Variants in RMDN3 observed in about 807,000 individuals in gnomAD.
RMDN3 encodes the protein regulator of microtubule dynamics protein 3.
Under a neutral mutation model 61.8 loss-of-function variants are expected in RMDN3, and 41 were observed. The ratio of observed to expected loss-of-function variants is 0.66; its 90% confidence interval spans 0.52 to 0.86. RMDN3 has a LOEUF of 0.86. Ranked by LOEUF, RMDN3 falls within the 40% of genes least tolerant of loss-of-function variation. The pLI is 0.00. For synonymous variants in RMDN3, 247 were observed against 232.0 expected (o/e 1.06, Z -0.59); for missense variants, 557 against 585.3 (o/e 0.95, Z 0.50).
chr15:40,752,746 C>T (rs536519296), intron 2 of RMDN3, among the ~76,000 whole-genome samples: 6 of 152,222 alleles, frequency 3.9e-5, no homozygotes, highest in East Asian at 3.9e-4. Context: ...AGAAAGACAC[C>T]GTCACTAAGC....
Position 40,745,024 on chromosome 15 carries a change from G to C in RMDN3, c.760C>G (p.Gln254Glu), listed in dbSNP as rs1897458644. The change falls in exon 5 of 13, where the codon CAA becomes GAA. Residue 254 changes from glutamine to glutamate, a missense_variant. By Grantham distance (29) the Gln-to-Glu change is conservative (BLOSUM62 2). Transcript: ENST00000338376. The part of the protein sequence containing the change: ...QADELHRGDE[Q>E]GKREGFQLLL... Reference sequence around the variant, plus strand: ...AGCTGGAAGCCCTCCCGCTTGCCTTGCTCATCACCCCTGTGCAGCTCGTCG... The same window carrying C: ...AGCTGGAAGCCCTCCCGCTTGCCTTCCTCATCACCCCTGTGCAGCTCGTCG... 1.2e-6 allele frequency: 2 copies of C among 1,612,722 alleles called. No individual in the cohort carries two copies. Among genetic ancestry groups the C allele is most frequent in the Non-Finnish European group, 1.7e-6 (2 of 1,179,066 alleles).
chr15:40,740,363 A>C (rs1381221911), intron 6 of RMDN3, among the ~76,000 whole-genome samples, 170 bp from the exon 7 acceptor site: 3 of 152,248 alleles, frequency 2.0e-5, no homozygotes, highest in Non-Finnish European at 4.4e-5. Context: ...GAAGCCAGTC[A>C]CAGTGGCTCA....
intron 4 of RMDN3, among the ~76,000 whole-genome samples, chr15:40,746,890 A>C (rs12910784): frequency 0.27 from 40,986 of 151,800 alleles, 6,432 homozygotes; most frequent in Middle Eastern, 0.35. Context: ...AAAAAAAAAA[A>C]ACACCTTTAG....
intron 4 of RMDN3, among the ~76,000 whole-genome samples, chr15:40,746,803 G>A (rs1897585988): frequency 6.6e-6 from 1 of 151,976 alleles, no homozygotes; most frequent in Non-Finnish European, 1.5e-5. Flanking sequence ...GAACTTGTAA[G>A]GTATTTAAAA....
rs767787212 is a variant in RMDN3 at position 40,751,975 on chromosome 15, G to A, written c.380+11C>T. 18 of 1,611,396 alleles carry A rather than the reference G, an allele frequency of 1.1e-5. No homozygotes were observed. The highest frequency in any genetic ancestry group is 1.8e-4 in the Middle Eastern group (1 of 5,708). ...GAGGGATAAAGCAGGAGAAGAAGCC[G>A]CATTACTCACCGGACCTCCCCAACA... On this transcript the variant is annotated intron_variant, in intron 3 of 12. Transcript: ENST00000338376.
chr15:40,745,351 A>C (rs1223354635), intron 4 of RMDN3, 92 bp from the exon 5 acceptor site: 12 of 1,256,742 alleles, frequency 9.5e-6, no homozygotes, highest in Non-Finnish European at 1.3e-5. Flanking sequence ...AGCACTCTAC[A>C]TGGCATTGTC....
At chr15:40,738,068 T>C (rs1352943929) in intron 8 of RMDN3, 26 bp from the exon 9 acceptor site, 1 of 1,610,382 alleles carries the variant, frequency 6.2e-7, no homozygotes, top group East Asian at 2.2e-5. Context: ...AAATATAAAC[T>C]AACATCAGAC....
At chr15:40,737,596 G>C in intron 10 of RMDN3, 32 bp downstream of exon 10, 1 of 1,562,154 alleles carries the variant, frequency 6.4e-7, no homozygotes, top group Non-Finnish European at 8.8e-7. Flanking sequence ...GGTTACCCTG[G>C]TGTTTTTGCC....
In RMDN3 at chr15:40,738,563, A is replaced by G. The variant is rs1411143989; in HGVS notation, c.985T>C (p.Cys329Arg). 2 of 1,614,060 alleles carry G rather than the reference A, an allele frequency of 1.2e-6. No homozygotes were observed. The highest frequency in any genetic ancestry group is 3.3e-5 in the Admixed American group (2 of 60,004). The change falls in exon 8 of 13, where the codon TGT becomes CGT. Residue 329 changes from cysteine (C) to arginine (R), a missense_variant. Coordinates refer to ENST00000338376, the MANE Select transcript of RMDN3 (RefSeq NM_018145.3). ...CTCTCATGCTCAGCCAGCTGACCAC[A>G]AAGCACCGCATACCTAGGGGGGAAG... ...ADCHLWYAVL[C>R]GQLAEHESIQ...
At chr15:40,754,530 C>A (rs975474545) in intron 2 of RMDN3, 67 bp downstream of exon 2, 2 of 1,464,682 alleles carry the variant, frequency 1.4e-6, no homozygotes, top group South Asian at 1.3e-5. Flanking sequence ...CAGTCTCCAC[C>A]GAAAGCAGCC....
chr15:40,738,082 A>G (rs775612458), intron 8 of RMDN3, 40 bp from the exon 9 acceptor site: 5 of 1,603,848 alleles, frequency 3.1e-6, no homozygotes, highest in Non-Finnish European at 4.3e-6. Context: ...ATCAGACACC[A>G]GAGTTGCTAA....
chr15:40,752,841 G>A (rs1329393871), intron 2 of RMDN3, among the ~76,000 whole-genome samples: 1 of 152,114 alleles, frequency 6.6e-6, no homozygotes, highest in Admixed American at 6.6e-5. Context: ...AACTGAACTG[G>A]AAAATGCAAA....
At chr15:40,750,211 T>G (rs1199280360) in intron 4 of RMDN3, among the ~76,000 whole-genome samples, 1 of 19,662 alleles carries the variant, frequency 5.1e-5, no homozygotes, top group African/African-American at 2.5e-4. Context: ...GCCCAGCTCG[T>G]TTTTTTTTTT....
chr15:40,752,906 T>C (rs1897888051), intron 2 of RMDN3, among the ~76,000 whole-genome samples: 1 of 152,146 alleles, frequency 6.6e-6, no homozygotes, highest in African/African-American at 2.4e-5. Context: ...CATAAATCCC[T>C]TCTTAAAGGA....
chr15:40,736,706 CT>C, intron 12 of RMDN3, 112 bp from the exon 13 acceptor site: 2 of 864,960 alleles, frequency 2.3e-6, no homozygotes, highest in Non-Finnish European at 1.9e-6. Flanking sequence ...CTGCTACAGT[CT>C]TTTTCCTACT....
intron 8 of RMDN3, 118 bp downstream of exon 8, chr15:40,738,383 A>C: frequency 1.0e-6 from 1 of 981,032 alleles, no homozygotes; most frequent in South Asian, 1.4e-5. Context: ...CTCTGTCTCA[A>C]AAAAAAAGAA....
chr15:40,752,207 G>A lies in RMDN3; in HGVS notation c.188-29C>T, dbSNP rs748776085. 9.4e-6 allele frequency: 15 copies of A among 1,602,456 alleles called. No homozygotes were observed. In the South Asian group the frequency reaches 1.7e-4, roughly 18 times the overall value. On this transcript the variant is annotated intron_variant, in intron 2 of 12. Coordinates refer to ENST00000338376, the MANE Select transcript of RMDN3 (RefSeq NM_018145.3). ...AAGGGGGAAACGAATGGGAGCCAGT[G>A]ACACACAGGAATATGGTGGGGAAGA...
At chr15:40,743,091 C>T (rs1004532349) in intron 6 of RMDN3, among the ~76,000 whole-genome samples, 1 of 152,170 alleles carries the variant, frequency 6.6e-6, no homozygotes, top group Non-Finnish European at 1.5e-5. Context: ...ATTTGTAAGG[C>T]TGTACTTACA....
chr15:40,749,134 C>T (rs1294461253), intron 4 of RMDN3, among the ~76,000 whole-genome samples: 1 of 152,194 alleles, frequency 6.6e-6, no homozygotes, highest in African/African-American at 2.4e-5. Flanking sequence ...AACTCCTGAT[C>T]TCAGGTGATC....
Sources: allele counts gnomAD v4.1 joint callset (sites outside exome capture counted in the v4.1 genomes callset), GRCh38; gene constraint gnomAD v4.1.1; transcripts MANE v1.5; gene names NCBI Gene and HGNC (gene_info 2026-07-23, HGNC 2026-07-21).